Variants in SEMA3E observed in about 807,000 individuals in gnomAD.
SEMA3E encodes semaphorin-3E.
Under a neutral mutation model 93.6 loss-of-function variants are expected in SEMA3E, and 49 were observed. The observed-to-expected ratio is 0.52, with a 90% CI of 0.42 to 0.66. The LOEUF (loss-of-function observed/expected upper bound fraction) is 0.66, where lower values mean the gene tolerates loss of function less well. SEMA3E is among the 30% of genes least tolerant of loss of function. The probability of loss-of-function intolerance (pLI) is 0.00; values close to 1 mark genes in which losing one functional copy is unlikely to be tolerated. For missense variants in SEMA3E, 906 were observed against 964.8 expected, an observed-to-expected ratio of 0.94 and a Z score of 0.81; for synonymous variants, 363 against 330.7, an observed-to-expected ratio of 1.10 and a Z score of -1.06.
chr7:83,589,357 A>G (rs1792705641), intron 1 of SEMA3E, among the ~76,000 whole-genome samples: 1 of 152,148 alleles, frequency 6.6e-6, no homozygotes, highest in Non-Finnish European at 1.5e-5. Context: ...ATAATTATCT[A>G]TGAGATTAAA....
intron 1 of SEMA3E, among the ~76,000 whole-genome samples, chr7:83,491,682 A>G (rs1423423206): frequency 1.3e-5 from 2 of 152,082 alleles, no homozygotes; most frequent in East Asian, 1.9e-4. Context: ...TTAAATATGT[A>G]TAGGTAAAAC....
intron 4 of SEMA3E, among the ~76,000 whole-genome samples, chr7:83,439,132 T>C (rs1789059875): frequency 6.6e-6 from 1 of 152,216 alleles, no homozygotes; most frequent in Non-Finnish European, 1.5e-5. Context: ...AATTCTTCAG[T>C]TCTAAATCCC....
chr7:83,559,847 T>C (rs1168140249), intron 1 of SEMA3E, among the ~76,000 whole-genome samples: 1 of 151,904 alleles, frequency 6.6e-6, no homozygotes, highest in Admixed American at 6.6e-5. Flanking sequence ...GTGGATAAAA[T>C]AACTATGCTG....
chr7:83,522,819 G>A (rs1027279819), intron 1 of SEMA3E, among the ~76,000 whole-genome samples: 2 of 152,022 alleles, frequency 1.3e-5, no homozygotes, highest in East Asian at 1.9e-4. Context: ...ATTTGGTTCA[G>A]TGTCTCATCC....
At chr7:83,471,568 C>T (rs1789894824) in intron 2 of SEMA3E, among the ~76,000 whole-genome samples, 2 of 152,080 alleles carry the variant, frequency 1.3e-5, no homozygotes, top group African/African-American at 4.8e-5. Flanking sequence ...GTGGCTGTAG[C>T]ACTGACCTCA....
chr7:83,576,022 A>C (rs541184924), intron 1 of SEMA3E, among the ~76,000 whole-genome samples: 2 of 152,350 alleles, frequency 1.3e-5, no homozygotes, highest in Non-Finnish European at 1.5e-5. Context: ...ACAGAAATTC[A>C]AGTGAATGAT....
chr7:83,403,301 C>A (rs369374165), intron 9 of SEMA3E, among the ~76,000 whole-genome samples: 1 of 151,694 alleles, frequency 6.6e-6, no homozygotes, highest in South Asian at 2.1e-4. Flanking sequence ...CATTTTTTAG[C>A]GGGGGTTCAT....
At chr7:83,446,543 G>A (rs911823128) in intron 4 of SEMA3E, among the ~76,000 whole-genome samples, 5 of 152,322 alleles carry the variant, frequency 3.3e-5, no homozygotes, top group African/African-American at 9.6e-5. Context: ...TGAGATGTCT[G>A]CTGACAGCTG....
intron 1 of SEMA3E, among the ~76,000 whole-genome samples, chr7:83,506,512 TA>T (rs754357257): frequency 4.7e-5 from 7 of 149,230 alleles, no homozygotes; most frequent in East Asian, 2.0e-4. Context: ...GGTTAATGGA[TA>T]AAAAAAAATA....
intron 1 of SEMA3E, among the ~76,000 whole-genome samples, chr7:83,616,277 G>T (rs1345581615): frequency 1.3e-5 from 2 of 152,130 alleles, no homozygotes; most frequent in Non-Finnish European, 2.9e-5. Context: ...ATTTGAGGTA[G>T]CTAGGGCAAT....
intron 1 of SEMA3E, among the ~76,000 whole-genome samples, chr7:83,510,402 T>C (rs186939628): frequency 6.6e-6 from 1 of 152,218 alleles, no homozygotes; most frequent in Non-Finnish European, 1.5e-5. Flanking sequence ...AAGCTTCTCA[T>C]ATTTCTAGAG....
intron 5 of SEMA3E, 99 bp from the exon 6 acceptor site, chr7:83,408,586 T>TA: frequency 7.8e-7 from 1 of 1,277,294 alleles, no homozygotes; most frequent in Non-Finnish European, 1.1e-6. Flanking sequence ...ATATGTACTT[T>TA]ATGACATTAA....
At chr7:83,636,067 T>C (rs1188660148) in intron 1 of SEMA3E, among the ~76,000 whole-genome samples, 1 of 152,140 alleles carries the variant, frequency 6.6e-6, no homozygotes, top group Non-Finnish European at 1.5e-5. Flanking sequence ...AATTGGAAAT[T>C]GGGAGATCAT....
intron 1 of SEMA3E, among the ~76,000 whole-genome samples, chr7:83,490,879 A>G (rs1790369191): frequency 6.6e-6 from 1 of 152,096 alleles, no homozygotes; most frequent in Non-Finnish European, 1.5e-5. Context: ...TGTTTTACCT[A>G]TATACATGTA....
At chr7:83,588,272 C>T (rs2115935272) in intron 1 of SEMA3E, among the ~76,000 whole-genome samples, 1 of 152,096 alleles carries the variant, frequency 6.6e-6, no homozygotes, top group Non-Finnish European at 1.5e-5. Context: ...ATCCCAGCTA[C>T]TCGGAGGCTG....
At chr7:83,470,572 T>C (rs1048293711) in intron 2 of SEMA3E, among the ~76,000 whole-genome samples, 2 of 152,196 alleles carry the variant, frequency 1.3e-5, no homozygotes, top group Non-Finnish European at 2.9e-5. Flanking sequence ...TTTTAGTTAA[T>C]TATTTATTTC....
intron 1 of SEMA3E, among the ~76,000 whole-genome samples, chr7:83,573,009 T>C (rs1792318215): frequency 6.6e-6 from 1 of 152,164 alleles, no homozygotes; most frequent in South Asian, 2.1e-4. Context: ...AAAAGTGATT[T>C]CAAGAGAAAC....
chr7:83,498,917 A>G (rs1029097352), intron 1 of SEMA3E, among the ~76,000 whole-genome samples: 2 of 152,196 alleles, frequency 1.3e-5, no homozygotes, highest in African/African-American at 4.8e-5. Flanking sequence ...AATCCTGTCT[A>G]AAATCTTGGG....
chr7:83,363,886 T>C lies in SEMA3E; in HGVS notation c.*3700A>G, dbSNP rs1434319237. On this transcript the variant is annotated 3_prime_UTR_variant, in exon 17 of 17. Coordinates refer to ENST00000643230, the MANE Select transcript of SEMA3E (RefSeq NM_012431.3). The stretch of plus-strand genomic sequence containing the variant: ...TTTTTTTTTTTTTTTTTTTTTTTTT[T>C]TTTTTTTTTTTTTTTTTTTGAGACG... 7.5e-4 allele frequency: 80 copies of C among 106,502 alleles called. 1 individual carries two copies. Among genetic ancestry groups the C allele is most frequent in the African/African-American group, 2.8e-3 (77 of 27,174 alleles). The allele number at this position is 106,502 out of a possible 1,614,324, so 6.6% of individuals were successfully genotyped here.
Sources: allele counts gnomAD v4.1 joint callset (sites outside exome capture counted in the v4.1 genomes callset), GRCh38; gene constraint gnomAD v4.1.1; transcripts MANE v1.5; gene names NCBI Gene and HGNC (gene_info 2026-07-23, HGNC 2026-07-21).